Variants in SYT6 observed in about 807,000 individuals in gnomAD.
SYT6 encodes the protein synaptotagmin 6.
A neutral mutation model predicts 38.4 loss-of-function variants in SYT6; 24 were observed. The observed-to-expected ratio is 0.62, with a 90% confidence interval of 0.45 to 0.88. The LOEUF is 0.88. Ranked by LOEUF, SYT6 falls within the 40% of genes least tolerant of loss-of-function variation. The probability of loss-of-function intolerance (pLI) is 0.00; values close to 1 mark genes in which losing one functional copy is unlikely to be tolerated. For synonymous variants in SYT6, 265 were observed against 241.9 expected (o/e 1.10, Z -0.89); for missense variants, 611 against 621.0 (o/e 0.98, Z 0.17).
chr1:114,145,430 G>C (rs144421992), intron 1 of SYT6, among the ~76,000 whole-genome samples: 1 of 151,708 alleles, frequency 6.6e-6, no homozygotes, highest in African/African-American at 2.4e-5. Context: ...CAGCCAGTCT[G>C]GTTCTGAAGT....
rs531573747 is a variant in SYT6, at chr1:114,118,896, C to T, written c.1072-15175G>A. Among the ~76,000 whole-genome samples, 3 of 152,320 alleles carry T rather than the reference C, an allele frequency of 2.0e-5. No individual in the cohort carries two copies. The South Asian group carries it at 6.2e-4, about 32-fold the overall frequency. On this transcript the variant is annotated intron_variant, in intron 3 of 7. Transcript: ENST00000610222. ...TTCCCAGGCATACCCAGGCCCCTTT[C>T]TTCCAGGTCCAGCAGCGAGAAATCA...
Position 114,091,077 on chromosome 1 carries a change from C to T in SYT6, c.*1057G>A, listed in dbSNP as rs1675277721. ...AAACTGCTATTTGGATTTCAAAACT[C>T]CCCATTTGGAAAAGAACATTTAATC... On this transcript the variant is annotated 3_prime_UTR_variant, in exon 8 of 8. Coordinates refer to ENST00000610222, the MANE Select transcript of SYT6 (RefSeq NM_001253772.2). 1 of 152,790 alleles carries T rather than the reference C, an allele frequency of 6.5e-6. No individual in the cohort carries two copies. Among genetic ancestry groups the T allele is most frequent in the African/African-American group, 2.4e-5 (1 of 41,446 alleles). 9.5% of individuals were successfully genotyped at this position (152,790 alleles called of 1,614,324 possible). A position where few individuals can be genotyped will look rare whatever the true frequency, so the allele number is the denominator to read the frequency against.
intron 3 of SYT6, among the ~76,000 whole-genome samples, chr1:114,129,843 T>G (rs1306768446): frequency 1.3e-5 from 2 of 150,708 alleles, no homozygotes; most frequent in African/African-American, 4.9e-5. Flanking sequence ...CACCTGTTTT[T>G]TTTTTTTTTT....
intron 3 of SYT6, among the ~76,000 whole-genome samples, chr1:114,114,846 C>G (rs577986596): frequency 6.6e-6 from 1 of 152,272 alleles, no homozygotes; most frequent in Non-Finnish European, 1.5e-5. Flanking sequence ...GCATAAAAGG[C>G]CTCTTCTCTT....
chr1:114,112,178 C>T (rs1461249762), intron 3 of SYT6, among the ~76,000 whole-genome samples: 2 of 152,200 alleles, frequency 1.3e-5, no homozygotes, highest in African/African-American at 4.8e-5. Flanking sequence ...CAGTATACTC[C>T]AGCTTCACCC....
chr1:114,146,472 G>A lies in SYT6; in HGVS notation c.164-6509C>T, dbSNP rs192585055. 3.3e-4 allele frequency among the ~76,000 whole-genome samples: 50 copies of A among 152,258 alleles called. 2 individuals carry two copies. The East Asian group carries it at 3.9e-3, about 12-fold the overall frequency. On this transcript the variant is annotated intron_variant, in intron 1 of 7. Transcript: ENST00000610222. ...CTAGGAAATCACAGGTGCACAAATA[G>A]CCTTCAAAACCCTTTTCCCATTCAC...
chr1:114,120,340 C>T (rs892721857), intron 3 of SYT6, among the ~76,000 whole-genome samples: 1 of 152,116 alleles, frequency 6.6e-6, no homozygotes, highest in Non-Finnish European at 1.5e-5. Flanking sequence ...ACTTAATGGA[C>T]GCTGAATTCT....
At position 114,089,698 on chromosome 1, in the gene SYT6, A is replaced by G. The variant is rs1489206248; in HGVS notation, c.*2436T>C. On this transcript the variant is annotated 3_prime_UTR_variant, in exon 8 of 8. Transcript: ENST00000610222. ...GTTTCATTCATGATTCAGGCTGAGG[A>G]GTAGTCTACCTTGAGGGTGCTGGGG... 6.6e-6 allele frequency: 1 copy of G among 152,350 alleles called. No individual in the cohort carries two copies. Among genetic ancestry groups the G allele is most frequent in the Non-Finnish European group, 1.5e-5 (1 of 68,060 alleles). The allele number at this position is 152,350 out of a possible 1,614,324, so 9.4% of individuals were successfully genotyped here. A position where few individuals can be genotyped will look rare whatever the true frequency, so the allele number is the denominator to read the frequency against.
intron 1 of SYT6, among the ~76,000 whole-genome samples, chr1:114,148,918 G>C (rs1679294251): frequency 6.6e-6 from 1 of 152,146 alleles, no homozygotes; most frequent in Admixed American, 6.5e-5. Context: ...ACGTATCTGG[G>C]AGGACTACAG....
chr1:114,145,502 G>A (rs986685741), intron 1 of SYT6, among the ~76,000 whole-genome samples: 1 of 111,628 alleles, frequency 9.0e-6, no homozygotes, highest in African/African-American at 3.7e-5. Flanking sequence ...GAGGTATTAA[G>A]TTTTTTTTTT....
intron 1 of SYT6, chr1:114,152,916 C>G (rs1311598532): frequency 1.3e-5 from 2 of 152,288 alleles, no homozygotes; most frequent in Non-Finnish European, 2.9e-5. Context: ...GCACCGGCCC[C>G]GAGTCCGAGT....
intron 1 of SYT6, among the ~76,000 whole-genome samples, chr1:114,143,042 C>A (rs938245111): frequency 6.6e-6 from 1 of 151,558 alleles, no homozygotes; most frequent in Non-Finnish European, 1.5e-5. Flanking sequence ...AAATTGAAAA[C>A]CATATGAATA....
chr1:114,114,214 GCTCA>G (rs1676859374), intron 3 of SYT6, among the ~76,000 whole-genome samples: 1 of 152,202 alleles, frequency 6.6e-6, no homozygotes, highest in African/African-American at 2.4e-5. Flanking sequence ...TGAAGGAAGT[GCTCA>G]CTGTCAGGTT....
At chr1:114,130,940 A>G (rs534082990) in intron 3 of SYT6, among the ~76,000 whole-genome samples, 9 of 152,346 alleles carry the variant, frequency 5.9e-5, no homozygotes, top group Admixed American at 3.9e-4. Context: ...ACAGTGGATC[A>G]ATTAGCTGAT....
chr1:114,146,411 T>C (rs1679157507), intron 1 of SYT6, among the ~76,000 whole-genome samples: 1 of 152,234 alleles, frequency 6.6e-6, no homozygotes, highest in South Asian at 2.1e-4. Flanking sequence ...CTTCCCACTC[T>C]GGGCTTGCTG....
rs80186914 is a variant in SYT6, at chr1:114,146,066, C to G, written c.164-6103G>C. Reference sequence around the variant, plus strand: ...ACTGGTTATATGAGACCAGGAGGCCCGTCCTATGCCTGAAGAATCTTATTG... The same window carrying G: ...ACTGGTTATATGAGACCAGGAGGCCGGTCCTATGCCTGAAGAATCTTATTG... On this transcript the variant is annotated intron_variant, in intron 1 of 7. Transcript: ENST00000610222. 6.9e-3 allele frequency among the ~76,000 whole-genome samples: 1,047 copies of G among 152,168 alleles called. 14 individuals are homozygous for G. The highest frequency in any genetic ancestry group is 0.024 in the African/African-American group (991 of 41,506).
rs770804900 is a variant in SYT6 at position 114,091,316 on chromosome 1, C to T, written c.*818G>A. On this transcript the variant is annotated 3_prime_UTR_variant, in exon 8 of 8. Coordinates refer to ENST00000610222, the MANE Select transcript of SYT6 (RefSeq NM_001253772.2). ...AAACATATGGCGTGTTTAGTTTCGG[C>T]TGAACTGAATCATTCCTAAAGAAAG... 1 of 152,666 alleles carries T rather than the reference C, an allele frequency of 6.6e-6. No individual in the cohort carries two copies. The highest frequency in any genetic ancestry group is 2.4e-5 in the African/African-American group (1 of 41,444). 9.5% of individuals were successfully genotyped at this position (152,666 alleles called of 1,614,324 possible).
In SYT6 at chr1:114,089,992, C is replaced by T. The variant is rs1675208263; in HGVS notation, c.*2142G>A. ...CTCCAAGAGGTTAGAATGGGTTATA[C>T]TCACCTGCCTAAGGGTTTAACGATG... is the stretch of plus-strand genomic sequence containing the variant. On this transcript the variant is annotated 3_prime_UTR_variant, in exon 8 of 8. Coordinates refer to ENST00000610222, the MANE Select transcript of SYT6 (RefSeq NM_001253772.2). 6.6e-6 allele frequency: 1 copy of T among 152,382 alleles called. No homozygotes were observed. The highest frequency in any genetic ancestry group is 2.4e-5 in the African/African-American group (1 of 41,462). 9.4% of individuals were successfully genotyped at this position (152,382 alleles called of 1,614,324 possible).
intron 3 of SYT6, among the ~76,000 whole-genome samples, chr1:114,129,837 T>G (rs1557756665): frequency 9.4e-6 from 1 of 106,236 alleles, no homozygotes; most frequent in African/African-American, 2.9e-5. Flanking sequence ...CCACCACACC[T>G]GTTTTTTTTT....
Sources: gnomAD v4.1 joint callset for allele counts (sites outside exome capture counted in the v4.1 genomes callset) on GRCh38, gnomAD v4.1.1 for gene constraint, MANE v1.5 for transcripts, NCBI Gene and HGNC (gene_info 2026-07-23, HGNC 2026-07-21) for gene names.